The following DCD variants were observed in gnomAD, a reference collection of about 807,000 sequenced individuals.
DCD encodes the protein diffusible survival/evasion peptide.
DCD carries 17 observed loss-of-function variants against 14.5 expected under a neutral mutation model. That is an observed-to-expected ratio of 1.18 (90% confidence interval 0.81 to 1.76). DCD has a LOEUF of 1.76. Among genes scored for constraint, DCD ranks in the 40% most tolerant of loss-of-function variants. DCD has a pLI of 0.00. For synonymous variants in DCD, 64 were observed against 54.0 expected (o/e 1.19, Z -0.82); for missense variants, 139 against 133.4 (o/e 1.04, Z -0.21).
At chr12:54,646,926 C>T (rs962952002) in intron 2 of DCD, among the ~76,000 whole-genome samples, 195 bp downstream of exon 2, 5 of 152,118 alleles carry the variant, frequency 3.3e-5, no homozygotes, top group Non-Finnish European at 5.9e-5. Context: ...ACAGGGCCAC[C>T]CTTTCCCCCA....
intron 4 of DCD, 147 bp from the exon 5 acceptor site, chr12:54,644,903 AGG>A: frequency 6.4e-7 from 1 of 1,550,462 alleles, no homozygotes; most frequent in Non-Finnish European, 8.7e-7. Flanking sequence ...AGAGGGATGG[AGG>A]TTAGATTCAC....
At chr12:54,646,225 C>T (rs1463362232) in intron 2 of DCD, 9 of 446,650 alleles carry the variant, frequency 2.0e-5, no homozygotes, top group East Asian at 7.0e-5. Context: ...CCAAGGTGCC[C>T]GGTGTTCCCT....
intron 4 of DCD, 122 bp downstream of exon 4, chr12:54,645,051 T>A (rs1273753029): frequency 1.4e-6 from 2 of 1,480,828 alleles, no homozygotes; most frequent in Non-Finnish European, 1.9e-6. Context: ...GATGAGGAAT[T>A]GGAGACATTT....
intron 2 of DCD, chr12:54,646,292 G>A (rs1461863259): frequency 2.4e-5 from 9 of 380,748 alleles, no homozygotes; most frequent in Non-Finnish European, 4.2e-5. Context: ...GTTGGGGCTC[G>A]CAGTGCAGTG....
rs757479616 is a variant in DCD at position 54,645,597 on chromosome 12, G to A, written c.199+9C>T. The stretch of plus-strand genomic sequence containing the variant: ...GAATTCTATACCAGGCATTGGGAAA[G>A]AGGCTTACCCAGAAGGCTGGATCTC... On this transcript the variant is annotated intron_variant, in intron 3 of 4. Coordinates refer to ENST00000293371, the MANE Select transcript of DCD (RefSeq NM_053283.4). 14 of 1,612,758 alleles carry A rather than the reference G, an allele frequency of 8.7e-6. No homozygotes were observed. Among genetic ancestry groups the A allele is most frequent in the African/African-American group, 5.3e-5 (4 of 74,900 alleles).
Position 54,644,752 on chromosome 12 carries a change from G to T in DCD, c.294C>A (p.Ala98=). The change falls in exon 5 of 5, where the codon GCC becomes GCA. Residue 98 remains alanine, a synonymous_variant. Coordinates refer to ENST00000293371, the MANE Select transcript of DCD (RefSeq NM_053283.4). The stretch of plus-strand genomic sequence containing the variant: ...CAAGGACGTCTTTAACGTCATGGAC[G>T]GCTCCTAGGACAGCCACAGAAAAAA... ...VEDLESVGKG[A]VHDVKDVLDS... is the part of the protein sequence containing the mutation. 6.2e-7 allele frequency: 1 copy of T among 1,606,084 alleles called. No individual in the cohort carries two copies. Among genetic ancestry groups the T allele is most frequent in the Non-Finnish European group, 8.5e-7 (1 of 1,175,712 alleles).
chr12:54,646,391 A>G (rs1486618826), intron 2 of DCD, among the ~76,000 whole-genome samples: 1 of 151,986 alleles, frequency 6.6e-6, no homozygotes, highest in Admixed American at 6.6e-5. Flanking sequence ...TGAGAATTAG[A>G]TCTCTCTCTC....
At chr12:54,645,772 A>G in intron 2 of DCD, 65 bp from the exon 3 acceptor site, 11 of 1,425,646 alleles carry the variant, frequency 7.7e-6, no homozygotes, top group South Asian at 1.2e-5. Flanking sequence ...GTCGGGGAGC[A>G]GGTGGTGCTT....
chr12:54,646,310 G>T (rs1958260634), intron 2 of DCD, among the ~76,000 whole-genome samples: 1 of 152,194 alleles, frequency 6.6e-6, no homozygotes, highest in Non-Finnish European at 1.5e-5. Flanking sequence ...GTGAAGATGT[G>T]CAGAAATACA....
At chr12:54,647,520 A>G (rs1958270975) in intron 1 of DCD, among the ~76,000 whole-genome samples, 1 of 152,210 alleles carries the variant, frequency 6.6e-6, no homozygotes, top group South Asian at 2.1e-4. Context: ...AGTTGTTCTG[A>G]TTGTCACCTG....
intron 3 of DCD, 86 bp from the exon 4 acceptor site, chr12:54,645,348 T>C (rs1958249815): frequency 7.5e-7 from 1 of 1,325,676 alleles, no homozygotes; most frequent in African/African-American, 1.5e-5. Context: ...CTAGGCACCA[T>C]GGGCACCCCT....
intron 4 of DCD, 59 bp from the exon 5 acceptor site, chr12:54,644,815 G>A: frequency 6.4e-7 from 1 of 1,565,144 alleles, no homozygotes; most frequent in Non-Finnish European, 8.7e-7. Flanking sequence ...GGAAGGGAAA[G>A]AGAGCCAGGG....
intron 1 of DCD, among the ~76,000 whole-genome samples, chr12:54,647,721 A>G (rs1958272851): frequency 6.6e-6 from 1 of 152,204 alleles, no homozygotes; most frequent in South Asian, 2.1e-4. Context: ...TTACATAAAC[A>G]ATTATTTAAT....
rs1432377150 is a variant in DCD, at chr12:54,647,109, G to T, written c.97+12C>A. 4 of 1,556,122 alleles carry T rather than the reference G, an allele frequency of 2.6e-6. No homozygotes were observed. Among genetic ancestry groups the T allele is most frequent in the South Asian group, 1.2e-5 (1 of 84,272 alleles). On this transcript the variant is annotated intron_variant, in intron 2 of 4. Coordinates refer to ENST00000293371, the MANE Select transcript of DCD (RefSeq NM_053283.4). ...ACCCAGGACTGGGGCAGGAGGAAGA[G>T]AAAGGACTCACGGTTCCCCGATCCT...
intron 2 of DCD, chr12:54,645,978 G>T (rs772187264): frequency 5.8e-5 from 29 of 496,094 alleles, no homozygotes; most frequent in Non-Finnish European, 1.1e-4. Context: ...TTGGCAGAAA[G>T]ATCACCTTAA....
rs577695358 is a variant in DCD, at chr12:54,645,060, T to A, written c.289+113A>T. The A allele has an allele frequency of 1.6e-5, 24 of 1,489,330 alleles. No individual in the cohort carries two copies. In the African/African-American group the frequency reaches 3.2e-4, roughly 20 times the overall value. The allele number at this position is 1,489,330 out of a possible 1,614,324, so 92.3% of individuals were successfully genotyped here. On this transcript the variant is annotated intron_variant, in intron 4 of 4. Transcript: ENST00000293371. Reference sequence around the variant, plus strand: ...AATCTGGATGAGGAATTGGAGACATTTGAAAGCACAAAGTGAGGGGTCTTC... The same window carrying A: ...AATCTGGATGAGGAATTGGAGACATATGAAAGCACAAAGTGAGGGGTCTTC...
At position 54,644,746 on chromosome 12, in the gene DCD, A is replaced by G; in HGVS notation, c.300T>C (p.His100=). The change falls in exon 5 of 5, where the codon CAT becomes CAC. Residue 100 remains histidine (H), a synonymous_variant. Transcript: ENST00000293371. ...CTGAGTCAAGGACGTCTTTAACGTC[A>G]TGGACGGCTCCTAGGACAGCCACAG... ...DLESVGKGAV[H]DVKDVLDSVL The G allele has an allele frequency of 1.2e-6, 2 of 1,605,644 alleles. No individual in the cohort carries two copies. The highest frequency in any genetic ancestry group is 8.5e-7 in the Non-Finnish European group (1 of 1,176,400).
intron 3 of DCD, 32 bp downstream of exon 3, chr12:54,645,574 A>G (rs1206878106): frequency 6.3e-7 from 1 of 1,585,644 alleles, no homozygotes; most frequent in East Asian, 2.2e-5. Flanking sequence ...ATGCATCAGA[A>G]TTCTATACCA....
chr12:54,647,470 G>A (rs1204990980), intron 1 of DCD, among the ~76,000 whole-genome samples: 1 of 152,190 alleles, frequency 6.6e-6, no homozygotes, highest in East Asian at 1.9e-4. Flanking sequence ...GCATGACCAC[G>A]AGGGCATGAC....
Sources: allele counts gnomAD v4.1 joint callset (sites outside exome capture counted in the v4.1 genomes callset), GRCh38; gene constraint gnomAD v4.1.1; transcripts MANE v1.5; gene names NCBI Gene and HGNC (gene_info 2026-07-23, HGNC 2026-07-21).